The following GRM5 variants were observed in gnomAD, a reference collection of about 807,000 sequenced individuals.
The protein encoded by GRM5 is glutamate metabotropic receptor 5.
A neutral mutation model predicts 83.1 loss-of-function variants in GRM5; 19 were observed. That is an observed-to-expected ratio of 0.23 (90% confidence interval 0.16 to 0.34). The LOEUF (loss-of-function observed/expected upper bound fraction) is 0.34, where lower values mean the gene tolerates loss of function less well. GRM5 is among the 10% of genes least tolerant of loss of function. The pLI is 1.00. For missense variants in GRM5, 1,160 were observed against 1,588.3 expected (o/e 0.73, Z 4.58); for synonymous variants, 675 against 633.6 (o/e 1.07, Z -0.98).
Position 88,823,909 on chromosome 11 carries a change from T to C in GRM5, c.911+25997A>G, listed in dbSNP as rs73541426. Among the ~76,000 whole-genome samples the C allele has an allele frequency of 5.8e-3, 876 of 152,276 alleles. 7 individuals carry two copies. The highest frequency in any genetic ancestry group is 0.02 in the African/African-American group (848 of 41,550). On this transcript the variant is annotated intron_variant, in intron 3 of 9. Transcript: ENST00000305447. ...CTAGATAGGATTCTGGGGATGCTTA[T>C]TGCTTAAACAAACTTTTTATTATTC...
chr11:89,051,410 T>TA (rs918122399), intron 1 of GRM5, among the ~76,000 whole-genome samples: 8 of 151,878 alleles, frequency 5.3e-5, no homozygotes, highest in South Asian at 2.1e-4. Context: ...CAGGCTCTTA[T>TA]AAAAAAAATT....
chr11:88,937,832 A>ATG (rs1476714558), intron 2 of GRM5, among the ~76,000 whole-genome samples: 2 of 151,720 alleles, frequency 1.3e-5, no homozygotes, highest in Non-Finnish European at 3.0e-5. Flanking sequence ...GCCAGTGGAT[A>ATG]TGTGGGCAAA....
At chr11:88,531,628 A>C (rs1258881351) in intron 8 of GRM5, among the ~76,000 whole-genome samples, 1 of 152,144 alleles carries the variant, frequency 6.6e-6, no homozygotes, top group Non-Finnish European at 1.5e-5. Context: ...CTCTGAGAAC[A>C]TATTTGGTTA....
chr11:89,013,328 G>C (rs1303381222), intron 2 of GRM5, among the ~76,000 whole-genome samples: 2 of 152,126 alleles, frequency 1.3e-5, no homozygotes, highest in African/African-American at 4.8e-5. Context: ...AAATAATCTT[G>C]TCTTTATGAG....
chr11:88,821,997 A>T (rs1943806532), intron 3 of GRM5, among the ~76,000 whole-genome samples: 1 of 150,018 alleles, frequency 6.7e-6, no homozygotes, highest in South Asian at 2.1e-4. Context: ...ATGGAAAATC[A>T]TTTCAGTGGA....
intron 2 of GRM5, among the ~76,000 whole-genome samples, chr11:88,972,266 C>T (rs1211832014): frequency 6.6e-6 from 1 of 152,086 alleles, no homozygotes; most frequent in Admixed American, 6.6e-5. Context: ...TAAAACTTCT[C>T]CCCCACACAG....
At chr11:88,829,742 A>C (rs2648640) in intron 3 of GRM5, among the ~76,000 whole-genome samples, 1 of 151,946 alleles carries the variant, frequency 6.6e-6, no homozygotes, top group African/African-American at 2.4e-5. Flanking sequence ...ATGAATAAAG[A>C]TACAAAACAA....
intron 3 of GRM5, among the ~76,000 whole-genome samples, chr11:88,748,188 G>C (rs1165858241): frequency 6.6e-6 from 1 of 152,128 alleles, no homozygotes; most frequent in African/African-American, 2.4e-5. Flanking sequence ...CTTTGGGTCT[G>C]ATAAACAGAG....
chr11:88,910,876 A>G (rs181251704), intron 2 of GRM5, among the ~76,000 whole-genome samples: 25 of 152,102 alleles, frequency 1.6e-4, no homozygotes, highest in African/African-American at 6.0e-4. Context: ...AAGTCCTAAA[A>G]TATGCAACCC....
chr11:88,835,623 T>G (rs564114926), intron 3 of GRM5, among the ~76,000 whole-genome samples: 1 of 152,210 alleles, frequency 6.6e-6, no homozygotes, highest in South Asian at 2.1e-4. Flanking sequence ...TACACTTGTT[T>G]TACAGAAAAA....
At chr11:88,541,960 G>T (rs1048494489) in intron 8 of GRM5, among the ~76,000 whole-genome samples, 3 of 152,128 alleles carry the variant, frequency 2.0e-5, no homozygotes, top group Non-Finnish European at 4.4e-5. Context: ...AGGTTTTACA[G>T]GGGCTCTTCC....
intron 8 of GRM5, among the ~76,000 whole-genome samples, chr11:88,548,098 T>C (rs1328472862): frequency 2.0e-5 from 3 of 152,224 alleles, no homozygotes; most frequent in African/African-American, 7.2e-5. Flanking sequence ...GAGAAAAGGA[T>C]ATTCCTATCT....
chr11:89,038,473 A>AG (rs1941447924), intron 2 of GRM5, among the ~76,000 whole-genome samples: 2 of 152,204 alleles, frequency 1.3e-5, no homozygotes, highest in Non-Finnish European at 2.9e-5. Context: ...TTGGCATCTG[A>AG]AGGACAGAGT....
chr11:88,584,091 T>C (rs1172083408), intron 7 of GRM5, among the ~76,000 whole-genome samples: 1 of 152,050 alleles, frequency 6.6e-6, no homozygotes, highest in South Asian at 2.1e-4. Context: ...ATAGCGCAAA[T>C]AGTATGGAAT....
intron 2 of GRM5, among the ~76,000 whole-genome samples, chr11:88,935,551 C>T (rs926690737): frequency 2.0e-5 from 3 of 151,806 alleles, no homozygotes; most frequent in Non-Finnish European, 4.4e-5. Flanking sequence ...ATAGAGATTT[C>T]TTTAGGAAAA....
At chr11:88,523,690 A>T (rs1017494273) in intron 9 of GRM5, among the ~76,000 whole-genome samples, 2 of 152,180 alleles carry the variant, frequency 1.3e-5, no homozygotes, top group African/African-American at 4.8e-5. Context: ...AAAGTTGGCC[A>T]AGCCCTTGGC....
chr11:88,922,074 C>A (rs1362629470), intron 2 of GRM5, among the ~76,000 whole-genome samples: 1 of 151,770 alleles, frequency 6.6e-6, no homozygotes, highest in Non-Finnish European at 1.5e-5. Flanking sequence ...AGCATTGATG[C>A]AAGATATTGA....
At chr11:88,642,913 T>A (rs1324169480) in intron 4 of GRM5, among the ~76,000 whole-genome samples, 1 of 152,142 alleles carries the variant, frequency 6.6e-6, no homozygotes, top group Admixed American at 6.6e-5. Flanking sequence ...TTCCCTTATC[T>A]TCCTGTCTTT....
intron 3 of GRM5, among the ~76,000 whole-genome samples, chr11:88,720,473 C>T (rs945558956): frequency 6.6e-6 from 1 of 152,044 alleles, no homozygotes; most frequent in Non-Finnish European, 1.5e-5. Context: ...TGCGAGCCAG[C>T]CTTTTACCTT....
Sources: gnomAD v4.1 joint callset for allele counts (sites outside exome capture counted in the v4.1 genomes callset) on GRCh38, gnomAD v4.1.1 for gene constraint, MANE v1.5 for transcripts, NCBI Gene and HGNC (gene_info 2026-07-23, HGNC 2026-07-21) for gene names.